The following MED21 variants were observed in gnomAD, a reference collection of about 807,000 sequenced individuals.
MED21 encodes mediator of RNA polymerase II transcription subunit 21.
In MED21, 9 loss-of-function variants were observed where a neutral mutation model predicts 18.2. The ratio of observed to expected loss-of-function variants is 0.49; its 90% CI spans 0.30 to 0.86. MED21 has a LOEUF of 0.86. Ranked by LOEUF, MED21 falls within the 40% of genes least tolerant of loss-of-function variation. The pLI, the probability that MED21 is intolerant of heterozygous loss-of-function variation, is 0.07. For missense variants in MED21, 150 were observed against 170.9 expected, an observed-to-expected ratio of 0.88 and a Z score of 0.68; for synonymous variants, 73 against 60.5, an observed-to-expected ratio of 1.21 and a Z score of -0.96.
At position 27,028,689 on chromosome 12, in the gene MED21, AATT is replaced by A. The variant is rs780675444; in HGVS notation, c.*233_*235del. ...ATACCATCATTTTTTAACTGAGTGA[AATT>A]ATTAAGGCATGTAATACATTAATGA... On this transcript the variant is annotated 3_prime_UTR_variant, in exon 4 of 4. Coordinates refer to ENST00000282892, the MANE Select transcript of MED21 (RefSeq NM_004264.5). 122 of 1,196,892 alleles carry A rather than the reference AATT, an allele frequency of 1.0e-4. No homozygotes were observed. The highest frequency in any genetic ancestry group is 1.2e-4 in the Non-Finnish European group (113 of 960,232). The allele number at this position is 1,196,892 out of a possible 1,614,324, so 74.1% of individuals were successfully genotyped here.
chr12:27,030,717 C>T (rs993225147), downstream of MED21: 3 of 152,062 alleles, frequency 2.0e-5, no homozygotes, highest in African/African-American at 7.2e-5. Context: ...GTTTAATATC[C>T]TGCTTCTCTA....
intron 1 of MED21, chr12:27,022,830 ACT>A (rs1941490089): frequency 6.7e-7 from 1 of 1,484,896 alleles, no homozygotes; most frequent in Non-Finnish European, 9.0e-7. Context: ...GAGGGAGCAG[ACT>A]CTTTCGCTTG....
chr12:27,032,914 C>A (rs1241181418), downstream of MED21, among the ~76,000 whole-genome samples: 1 of 152,190 alleles, frequency 6.6e-6, no homozygotes, highest in African/African-American at 2.4e-5. Context: ...TTTTCCCCTC[C>A]TGAAAATTGA....
chr12:27,034,810 G>A (rs1422798202), downstream of MED21, among the ~76,000 whole-genome samples: 2 of 152,066 alleles, frequency 1.3e-5, no homozygotes, highest in African/African-American at 4.8e-5. Context: ...GAGTGCGGTG[G>A]CGTGATCTCG....
chr12:27,026,041 T>C (rs1046421378), intron 1 of MED21, among the ~76,000 whole-genome samples: 6 of 152,194 alleles, frequency 3.9e-5, no homozygotes, highest in Non-Finnish European at 8.8e-5. Flanking sequence ...CATAGATATT[T>C]ACAAGTCAAA....
chr12:27,026,343 T>C (rs1038365933), intron 1 of MED21, 77 bp from the exon 2 acceptor site: 11 of 807,312 alleles, frequency 1.4e-5, no homozygotes, highest in South Asian at 9.4e-5. Context: ...CAGAAACTTA[T>C]TGTTGTTGCC....
At chr12:27,028,152 T>G in intron 3 of MED21, 133 bp from the exon 4 acceptor site, 1 of 1,158,468 alleles carries the variant, frequency 8.6e-7, no homozygotes, top group Non-Finnish European at 1.2e-6. Context: ...TTAAAAGTTG[T>G]CTGATTTTTA....
At chr12:27,022,749 GCT>G in intron 1 of MED21, 128 bp downstream of exon 1, 3 of 1,560,988 alleles carry the variant, frequency 1.9e-6, no homozygotes, top group South Asian at 1.1e-5. Flanking sequence ...GGCATAAAGC[GCT>G]CTCTCGGGAG....
At chr12:27,027,235 A>G in intron 2 of MED21, 112 bp from the exon 3 acceptor site, 1 of 670,444 alleles carries the variant, frequency 1.5e-6, no homozygotes, top group African/African-American at 1.8e-5. Context: ...CCGAATCATT[A>G]GAATCTTAGG....
intron 2 of MED21, 84 bp downstream of exon 2, chr12:27,026,618 C>A: frequency 1.1e-6 from 1 of 896,878 alleles, no homozygotes; most frequent in South Asian, 1.5e-5. Context: ...AGAAATTCAG[C>A]TTATTTTATT....
downstream of MED21, among the ~76,000 whole-genome samples, chr12:27,033,174 A>G (rs1259553304): frequency 6.6e-6 from 1 of 152,160 alleles, no homozygotes; most frequent in Non-Finnish European, 1.5e-5. Context: ...TCAGGCTGCT[A>G]TATATAGCAA....
intron 2 of MED21, chr12:27,037,617 T>C (rs1271828351): frequency 1.3e-5 from 2 of 152,182 alleles, no homozygotes; most frequent in Admixed American, 1.3e-4. Flanking sequence ...TATATCACAA[T>C]AAATGTATGT....
Position 27,026,482 on chromosome 12 carries a change from C to G in MED21, c.105C>G (p.Phe35Leu). Residue 35 changes from phenylalanine (F) to leucine (L), a missense_variant, in exon 2 of 4, where the codon TTC (phenylalanine) becomes TTG (leucine). By Grantham distance (22) the Phe-to-Leu change is conservative. Coordinates refer to ENST00000282892, the MANE Select transcript of MED21 (RefSeq NM_004264.5). ...AGCAATGTGGTCCTCCTGCCTCTTT[C>G]AATAATATTCAGACAGCAATTAACA... ...VLQQCGPPAS[F>L]NNIQTAINKD... 1 of 1,613,922 alleles carries G rather than the reference C, an allele frequency of 6.2e-7. No individual in the cohort carries two copies. The highest frequency in any genetic ancestry group is 1.1e-5 in the South Asian group (1 of 91,066).
chr12:27,022,568 T>G lies in MED21; in HGVS notation c.-12T>G. ...AGCAGCTGTTTTGGCGTCTGTTTGC[T>G]GCGGTAGGAACATGGCGGATCGGCT... On this transcript the variant is annotated 5_prime_UTR_variant, in exon 1 of 4. Transcript: ENST00000282892. 6.5e-7 allele frequency: 1 copy of G among 1,540,158 alleles called. No individual in the cohort carries two copies. The highest frequency in any genetic ancestry group is 2.0e-5 in the Admixed American group (1 of 50,400).
At chr12:27,031,092 A>C (rs955481633), downstream of MED21, among the ~76,000 whole-genome samples, 1 of 152,152 alleles carries the variant, frequency 6.6e-6, no homozygotes, top group Non-Finnish European at 1.5e-5. Context: ...TTTTTAGTAG[A>C]GACGGGGTTT....
chr12:27,030,059 C>T lies in MED21; in HGVS notation c.*1598C>T. The T allele has an allele frequency of 2.2e-6, 1 of 451,302 alleles. No homozygotes were observed. Among genetic ancestry groups the T allele is most frequent in the Non-Finnish European group, 4.0e-6 (1 of 251,616 alleles). The allele number at this position is 451,302 out of a possible 1,614,324, so 28.0% of individuals were successfully genotyped here. The stretch of plus-strand genomic sequence containing the variant: ...ACTTCTCTTGAGGTTTTAAAAATTA[C>T]ATTTGTTATTTGAAAGAAAAAAATT... On this transcript the variant is annotated 3_prime_UTR_variant, in exon 4 of 4. Coordinates refer to ENST00000282892, the MANE Select transcript of MED21 (RefSeq NM_004264.5).
chr12:27,023,006 C>T (rs542569757), intron 1 of MED21: 721 of 796,248 alleles, frequency 9.1e-4, no homozygotes, highest in Non-Finnish European at 1.1e-3. Context: ...TTTTTCTTTC[C>T]TCATCAATTT....
chr12:27,038,759 A>T (rs1270339888), intron 2 of MED21: 3 of 152,196 alleles, frequency 2.0e-5, no homozygotes, highest in Non-Finnish European at 4.4e-5. Context: ...ATTGGTTTCT[A>T]TATGTATTTC....
At position 27,028,749 on chromosome 12, in the gene MED21, G is replaced by C; in HGVS notation, c.*288G>C. 1 of 1,048,556 alleles carries C rather than the reference G, an allele frequency of 9.5e-7. No individual in the cohort carries two copies. Among genetic ancestry groups the C allele is most frequent in the Middle Eastern group, 4.5e-4 (1 of 2,226 alleles). The allele number at this position is 1,048,556 out of a possible 1,614,324, so 65.0% of individuals were successfully genotyped here. On this transcript the variant is annotated 3_prime_UTR_variant, in exon 4 of 4. Coordinates refer to ENST00000282892, the MANE Select transcript of MED21 (RefSeq NM_004264.5). Reference sequence around the variant, plus strand: ...TATAAGGAAACATATGTAAAATTCTGTTATGACATAATTTATGTCTCCATT... The same window carrying C: ...TATAAGGAAACATATGTAAAATTCTCTTATGACATAATTTATGTCTCCATT...
Sources: allele counts gnomAD v4.1 joint callset (sites outside exome capture counted in the v4.1 genomes callset), GRCh38; gene constraint gnomAD v4.1.1; transcripts MANE v1.5; gene names NCBI Gene and HGNC (gene_info 2026-07-23, HGNC 2026-07-21).